RBFOX1: variants seen among roughly 807,000 people sequenced by gnomAD.
RBFOX1 encodes the protein RNA binding fox-1 homolog 1, also known as RNA binding protein fox-1 homolog 1.
In RBFOX1, 8 loss-of-function variants were observed where a neutral mutation model predicts 57.7. The ratio of observed to expected loss-of-function variants is 0.14; its 90% CI spans 0.08 to 0.25. The LOEUF (loss-of-function observed/expected upper bound fraction) is 0.25. Among genes scored for constraint, RBFOX1 ranks in the 10% least tolerant of loss-of-function variants. The probability of loss-of-function intolerance (pLI) is 1.00; values close to 1 mark genes in which losing one functional copy is unlikely to be tolerated. For synonymous variants in RBFOX1, 326 were observed against 222.4 expected (o/e 1.47, Z -4.15); for missense variants, 611 against 548.5 (o/e 1.11, Z -1.14).
chr16:6,678,249 C>G (rs2058072396), intron 3 of RBFOX1, among the ~76,000 whole-genome samples: 1 of 152,144 alleles, frequency 6.6e-6, no homozygotes, highest in African/African-American at 2.4e-5. Context: ...TTCATCCTCT[C>G]AGGTAGCTGG....
chr16:6,908,550 T>A (rs747980827), intron 3 of RBFOX1, among the ~76,000 whole-genome samples: 1 of 152,166 alleles, frequency 6.6e-6, no homozygotes, highest in Non-Finnish European at 1.5e-5. Context: ...CAAACTACTT[T>A]TCAGAGTGCC....
At chr16:5,747,080 GT>G (rs1239212580) in intron 3 of RBFOX1, among the ~76,000 whole-genome samples, 6 of 152,166 alleles carry the variant, frequency 3.9e-5, no homozygotes, top group Non-Finnish European at 8.8e-5. Context: ...TTTATTGAGA[GT>G]TTTTAGCATG....
rs191280819 is a variant in RBFOX1, at chr16:6,928,977, G to T, written c.-15-123080G>T. 2.6e-5 allele frequency among the ~76,000 whole-genome samples: 4 copies of T among 152,210 alleles called. No individual in the cohort carries two copies. The East Asian group carries it at 5.8e-4, about 22-fold the overall frequency. Reference sequence around the variant, plus strand: ...TCTCATGTCATTGGGAAGTAAAGATGTTCACGGTGCAAGCGTCATTCACAG... The same window carrying T: ...TCTCATGTCATTGGGAAGTAAAGATTTTCACGGTGCAAGCGTCATTCACAG... On this transcript the variant is annotated intron_variant, in intron 3 of 15. Coordinates refer to ENST00000550418, the MANE Select transcript of RBFOX1 (RefSeq NM_018723.4).
At chr16:6,133,174 C>G (rs1431910106) in intron 1 of RBFOX1, among the ~76,000 whole-genome samples, 1 of 151,956 alleles carries the variant, frequency 6.6e-6, no homozygotes, top group East Asian at 1.9e-4. Flanking sequence ...TCTCTTGGGG[C>G]TCTCTATAAG....
At chr16:6,938,332 C>G (rs2077718889) in intron 3 of RBFOX1, among the ~76,000 whole-genome samples, 1 of 152,066 alleles carries the variant, frequency 6.6e-6, no homozygotes, top group African/African-American at 2.4e-5. Flanking sequence ...GTAATTGAAA[C>G]CGAAGCCTAT....
At chr16:5,681,488 A>T (rs2050337514) in intron 3 of RBFOX1, among the ~76,000 whole-genome samples, 1 of 150,124 alleles carries the variant, frequency 6.7e-6, no homozygotes, top group South Asian at 2.1e-4. Context: ...TCCCCGGTTC[A>T]AGTGATTCTC....
At chr16:6,935,110 A>G (rs1228532991) in intron 3 of RBFOX1, among the ~76,000 whole-genome samples, 1 of 152,248 alleles carries the variant, frequency 6.6e-6, no homozygotes, top group East Asian at 1.9e-4. Flanking sequence ...AAGAAAAAGA[A>G]AAAACAGCTT....
intron 3 of RBFOX1, among the ~76,000 whole-genome samples, chr16:6,682,659 A>G (rs2058830780): frequency 6.6e-6 from 1 of 151,984 alleles, no homozygotes; most frequent in South Asian, 2.1e-4. Context: ...TGAGACAACC[A>G]AAAATGACTC....
intron 7 of RBFOX1, among the ~76,000 whole-genome samples, chr16:7,594,335 C>T (rs1411531446): frequency 6.6e-6 from 1 of 152,090 alleles, no homozygotes; most frequent in Non-Finnish European, 1.5e-5. Flanking sequence ...TTGGAGCCAA[C>T]AAGGATTATT....
chr16:6,739,311 C>T (rs925799595), intron 3 of RBFOX1, among the ~76,000 whole-genome samples: 13 of 151,886 alleles, frequency 8.6e-5, no homozygotes, highest in African/African-American at 2.9e-4. Flanking sequence ...ACCCTGCAGA[C>T]ATTAAAAGGA....
At chr16:5,755,315 C>G (rs1035262027) in intron 3 of RBFOX1, among the ~76,000 whole-genome samples, 1 of 151,966 alleles carries the variant, frequency 6.6e-6, no homozygotes, top group Non-Finnish European at 1.5e-5. Context: ...TCTTTCTACA[C>G]AGACACAGTA....
At chr16:5,723,985 C>G (rs762156633) in intron 3 of RBFOX1, among the ~76,000 whole-genome samples, 3 of 151,158 alleles carry the variant, frequency 2.0e-5, no homozygotes, top group African/African-American at 7.3e-5. Context: ...TGGTCCAACT[C>G]GAAGAAGAGT....
intron 4 of RBFOX1, chr16:7,332,775 T>G (rs1780154984): frequency 7.2e-7 from 1 of 1,384,736 alleles, no homozygotes; most frequent in South Asian, 1.8e-5. Flanking sequence ...AGCTTCAACT[T>G]TGCAGCTGCT....
chr16:5,668,811 G>C (rs1387293270), intron 3 of RBFOX1, among the ~76,000 whole-genome samples: 1 of 152,102 alleles, frequency 6.6e-6, no homozygotes, highest in African/African-American at 2.4e-5. Context: ...GCTCGTAGCT[G>C]GTCTGAAGTT....
chr16:5,766,302 C>A (rs986774511), intron 3 of RBFOX1, among the ~76,000 whole-genome samples: 1 of 152,062 alleles, frequency 6.6e-6, no homozygotes, highest in Non-Finnish European at 1.5e-5. Context: ...AAATACAGAT[C>A]TGGGCTGGGC....
chr16:5,879,766 C>T (rs1035173579), intron 4 of RBFOX1, among the ~76,000 whole-genome samples: 6 of 152,198 alleles, frequency 3.9e-5, no homozygotes, highest in African/African-American at 1.4e-4. Flanking sequence ...CTGGGGGTGG[C>T]TCTATCCATC....
chr16:6,601,423 G>T (rs553186619), intron 2 of RBFOX1, among the ~76,000 whole-genome samples: 152 of 152,244 alleles, frequency 1.0e-3, no homozygotes, highest in African/African-American at 3.6e-3. Flanking sequence ...GACTCCGGGA[G>T]AGTCCTAAAA....
chr16:5,286,712 T>C (rs1351062531), intron 1 of RBFOX1, among the ~76,000 whole-genome samples: 1 of 152,170 alleles, frequency 6.6e-6, no homozygotes, highest in Non-Finnish European at 1.5e-5. Flanking sequence ...ATGGCAAACT[T>C]TTTCCATAAA....
At chr16:7,163,015 A>C (rs972180180) in intron 4 of RBFOX1, among the ~76,000 whole-genome samples, 3 of 152,138 alleles carry the variant, frequency 2.0e-5, no homozygotes, top group Non-Finnish European at 4.4e-5. Flanking sequence ...ATAAATGCAG[A>C]CTTCTTTGTA....
Sources: gnomAD v4.1 joint callset for allele counts (sites outside exome capture counted in the v4.1 genomes callset) on GRCh38, gnomAD v4.1.1 for gene constraint, MANE v1.5 for transcripts, NCBI Gene and HGNC (gene_info 2026-07-23, HGNC 2026-07-21) for gene names.